The following COMMD10 variants were observed in gnomAD, a reference collection of about 807,000 sequenced individuals.
COMMD10 encodes the protein COMM domain containing 10, also known as COMM domain-containing protein 10.
In COMMD10, 33 loss-of-function variants were observed where a neutral mutation model predicts 28.9. That is an observed-to-expected ratio of 1.14 (90% CI 0.87 to 1.53). COMMD10 has a LOEUF of 1.53. Ranked by LOEUF, COMMD10 falls within the 40% of genes most tolerant of loss-of-function variation. The pLI is 0.00. For missense variants in COMMD10, 310 were observed against 233.4 expected, an observed-to-expected ratio of 1.33 and a Z score of -2.14; for synonymous variants, 110 against 81.7, an observed-to-expected ratio of 1.35 and a Z score of -1.87.
chr5:116,258,999 T>A (rs1750365594), intron 5 of COMMD10, among the ~76,000 whole-genome samples: 1 of 151,588 alleles, frequency 6.6e-6, no homozygotes, highest in Non-Finnish European at 1.5e-5. Context: ...TTGCAGGGGA[T>A]TCTGAATAAT....
At chr5:116,261,995 A>G (rs1237681762) in intron 5 of COMMD10, among the ~76,000 whole-genome samples, 1 of 151,718 alleles carries the variant, frequency 6.6e-6, no homozygotes, top group African/African-American at 2.4e-5. Context: ...CACAATCCTT[A>G]GAGATCTAAG....
chr5:116,122,960 A>G (rs1258274520), intron 4 of COMMD10, among the ~76,000 whole-genome samples: 2 of 151,980 alleles, frequency 1.3e-5, no homozygotes, highest in Non-Finnish European at 2.9e-5. Context: ...CTAACTGAAT[A>G]CCCTTTATTT....
chr5:116,236,779 C>T lies in COMMD10; in HGVS notation c.511-54738C>T, dbSNP rs116379843. ...TTATTCAAACTCACAGAATTTACAA[C>T]ACCAAGAGTGAACCCTAATGTAAAC... On this transcript the variant is annotated intron_variant, in intron 5 of 6. Coordinates refer to ENST00000274458, the MANE Select transcript of COMMD10 (RefSeq NM_016144.4). Among the ~76,000 whole-genome samples the T allele has an allele frequency of 9.4e-3, 1,425 of 152,056 alleles. 27 individuals carry two copies. Among genetic ancestry groups the T allele is most frequent in the Non-Finnish European group, 0.01 (681 of 67,990 alleles).
At chr5:116,224,687 C>G (rs943000319) in intron 5 of COMMD10, among the ~76,000 whole-genome samples, 1 of 152,174 alleles carries the variant, frequency 6.6e-6, no homozygotes, top group South Asian at 2.1e-4. Context: ...CAAACACCTC[C>G]CTCTAGGCCC....
chr5:116,126,925 G>C (rs1412451957), intron 4 of COMMD10, among the ~76,000 whole-genome samples: 14 of 152,170 alleles, frequency 9.2e-5, no homozygotes, highest in Admixed American at 7.9e-4. Context: ...ATTGACTGAT[G>C]GGATCTAATT....
At chr5:116,122,577 G>A (rs962917990) in intron 4 of COMMD10, among the ~76,000 whole-genome samples, 6 of 152,156 alleles carry the variant, frequency 3.9e-5, no homozygotes, top group Non-Finnish European at 8.8e-5. Context: ...TGGGCAGTAT[G>A]GCCATTTTCA....
intron 1 of COMMD10, chr5:116,085,499 C>G (rs1373844688): frequency 4.7e-6 from 1 of 212,288 alleles, no homozygotes; most frequent in Non-Finnish European, 9.4e-6. Context: ...AAGGCTCACG[C>G]TGCTGCTGGA....
At position 116,260,461 on chromosome 5, in the gene COMMD10, C is replaced by G. The variant is rs1046844277; in HGVS notation, c.511-31056C>G. 1.3e-5 allele frequency among the ~76,000 whole-genome samples: 2 copies of G among 151,652 alleles called. 1 individual carries two copies. The highest frequency in any genetic ancestry group is 4.9e-5 in the African/African-American group (2 of 41,108). On this transcript the variant is annotated intron_variant, in intron 5 of 6. Transcript: ENST00000274458. The stretch of plus-strand genomic sequence containing the variant: ...TTGTTTTGACATATTCAGTGTGGAC[C>G]CATTTAAAGTAGGCATGTTATTTTC...
At chr5:116,254,471 G>A (rs1049942792) in intron 5 of COMMD10, among the ~76,000 whole-genome samples, 3 of 151,104 alleles carry the variant, frequency 2.0e-5, no homozygotes, top group Non-Finnish European at 4.4e-5. Flanking sequence ...TGCTTTGAAT[G>A]CGTCCCAGAG....
Position 116,202,576 on chromosome 5 carries a change from T to G in COMMD10, c.510+68398T>G, listed in dbSNP as rs1162824246. ...TTTCCTGACTTTTTAATGATTGCCA[T>G]TCTAAGTGGTGTGAGATGGTATCTC... On this transcript the variant is annotated intron_variant, in intron 5 of 6. Transcript: ENST00000274458. 1.3e-5 allele frequency among the ~76,000 whole-genome samples: 2 copies of G among 152,004 alleles called. 1 individual carries two copies. Among genetic ancestry groups the G allele is most frequent in the Non-Finnish European group, 2.9e-5 (2 of 68,018 alleles).
intron 5 of COMMD10, among the ~76,000 whole-genome samples, chr5:116,150,982 AT>A (rs1206163456): frequency 6.6e-6 from 1 of 151,770 alleles, no homozygotes; most frequent in Non-Finnish European, 1.5e-5. Flanking sequence ...CAGGTATGAT[AT>A]TGGCTGTGGG....
At chr5:116,247,350 C>T (rs1477922810) in intron 5 of COMMD10, among the ~76,000 whole-genome samples, 1 of 151,996 alleles carries the variant, frequency 6.6e-6, no homozygotes, top group Non-Finnish European at 1.5e-5. Context: ...GAAAAGAGAA[C>T]ACTTATACAC....
Position 116,292,998 on chromosome 5 carries a change from A to G in COMMD10, c.*509A>G. On this transcript the variant is annotated 3_prime_UTR_variant, in exon 7 of 7. Coordinates refer to ENST00000274458, the MANE Select transcript of COMMD10 (RefSeq NM_016144.4). The stretch of plus-strand genomic sequence containing the variant: ...GCTTCGGAAATAATATAGGAAGGAA[A>G]TGTAAAATAGTGAGTAGTATGGTAT... 5.0e-6 allele frequency: 2 copies of G among 397,380 alleles called. No homozygotes were observed. Among genetic ancestry groups the G allele is most frequent in the Non-Finnish European group, 8.9e-6 (2 of 225,242 alleles). The allele number at this position is 397,380 out of a possible 1,614,324, so 24.6% of individuals were successfully genotyped here.
At chr5:116,099,686 G>A (rs1750590565) in intron 4 of COMMD10, among the ~76,000 whole-genome samples, 2 of 152,072 alleles carry the variant, frequency 1.3e-5, no homozygotes, top group Non-Finnish European at 2.9e-5. Context: ...GCATTTCTTT[G>A]ATGATTAATG....
rs3073081 is a variant in COMMD10, at chr5:116,225,354, ATT to A, written c.511-66147_511-66146del. Among the ~76,000 whole-genome samples, 616 of 132,396 alleles carry A rather than the reference ATT, an allele frequency of 4.7e-3. 8 individuals are homozygous for A. The highest frequency in any genetic ancestry group is 0.016 in the African/African-American group (565 of 34,926). The allele number at this position is 132,396 out of a possible 152,430, so 86.9% of individuals were successfully genotyped here. ...GACTTTCCTGTTTGTTTTTTTGGGG[ATT>A]TTTTTTTTTTTTTTTGCATATGTAG... is the stretch of plus-strand genomic sequence containing the variant. On this transcript the variant is annotated intron_variant, in intron 5 of 6. Transcript: ENST00000274458.
At chr5:116,098,607 T>C (rs1355795165) in intron 4 of COMMD10, among the ~76,000 whole-genome samples, 1 of 152,196 alleles carries the variant, frequency 6.6e-6, no homozygotes, top group Non-Finnish European at 1.5e-5. Flanking sequence ...GGAGGATATG[T>C]GTAGATTATA....
chr5:116,178,307 G>A (rs536607588), intron 5 of COMMD10, among the ~76,000 whole-genome samples: 230 of 152,134 alleles, frequency 1.5e-3, no homozygotes, highest in Non-Finnish European at 2.2e-3. Flanking sequence ...CATTGTGTTA[G>A]ACCTGTGATT....
chr5:116,111,094 C>G (rs1284098372), intron 4 of COMMD10, among the ~76,000 whole-genome samples: 2 of 152,144 alleles, frequency 1.3e-5, no homozygotes, highest in East Asian at 3.8e-4. Flanking sequence ...CTCTGATGAT[C>G]TTTTGAATTT....
chr5:116,234,242 G>T (rs1749602118), intron 5 of COMMD10, among the ~76,000 whole-genome samples: 1 of 152,148 alleles, frequency 6.6e-6, no homozygotes, highest in South Asian at 2.1e-4. Flanking sequence ...ATTCCTCATA[G>T]AAATACTATC....
Sources: gnomAD v4.1 joint callset for allele counts (sites outside exome capture counted in the v4.1 genomes callset) on GRCh38, gnomAD v4.1.1 for gene constraint, MANE v1.5 for transcripts, NCBI Gene and HGNC (gene_info 2026-07-23, HGNC 2026-07-21) for gene names.